The following CERS3 variants were observed in gnomAD, a reference collection of about 807,000 sequenced individuals.
CERS3 encodes ceramide synthase 3.
Under a neutral mutation model 50.3 loss-of-function variants are expected in CERS3, and 33 were observed. That is an observed-to-expected ratio of 0.66 (90% CI 0.50 to 0.88). The LOEUF (loss-of-function observed/expected upper bound fraction) is 0.88. Ranked by LOEUF, CERS3 falls within the 40% of genes least tolerant of loss-of-function variation. The pLI, the probability that CERS3 is intolerant of heterozygous loss-of-function variation, is 0.00. For missense variants in CERS3, 470 were observed against 460.3 expected (o/e 1.02, Z -0.19); for synonymous variants, 176 against 155.2 (o/e 1.13, Z -0.99).
At chr15:100,523,965 G>A (rs375759095) in intron 1 of CERS3, among the ~76,000 whole-genome samples, 2 of 152,174 alleles carry the variant, frequency 1.3e-5, no homozygotes, top group South Asian at 2.1e-4. Context: ...TGAGAATCAA[G>A]ACTCATTTAT....
At chr15:100,421,644 G>T (rs1160160354) in intron 11 of CERS3, among the ~76,000 whole-genome samples, 1 of 149,612 alleles carries the variant, frequency 6.7e-6, no homozygotes, top group African/African-American at 2.5e-5. Flanking sequence ...TAAGCCAAAA[G>T]AACAAAGCTG....
At chr15:100,420,486 T>G (rs1175947937) in intron 11 of CERS3, among the ~76,000 whole-genome samples, 3 of 152,136 alleles carry the variant, frequency 2.0e-5, no homozygotes, top group Non-Finnish European at 4.4e-5. Flanking sequence ...GATTCACAGC[T>G]GAATTCTACC....
rs535844429 is a variant in CERS3, at chr15:100,418,256, A to G, written c.1000-15391T>C. Among the ~76,000 whole-genome samples the G allele has an allele frequency of 4.6e-5, 7 of 152,258 alleles. No individual in the cohort carries two copies. In the South Asian group the frequency reaches 1.0e-3, roughly 23 times the overall value. Reference sequence around the variant, plus strand: ...CTTAAAGGAGCTGATGGAGCTGAAAACCAAGGCCCGAGAACTACGTGAAGA... The same window carrying G: ...CTTAAAGGAGCTGATGGAGCTGAAAGCCAAGGCCCGAGAACTACGTGAAGA... On this transcript the variant is annotated intron_variant, in intron 11 of 11. Coordinates refer to ENST00000679737, the MANE Select transcript of CERS3 (RefSeq NM_001378789.1).
chr15:100,436,471 G>A (rs906637648), intron 11 of CERS3, among the ~76,000 whole-genome samples: 1 of 152,040 alleles, frequency 6.6e-6, no homozygotes, highest in Non-Finnish European at 1.5e-5. Flanking sequence ...GAGGCCTATC[G>A]GGGCTGGGGG....
chr15:100,472,780 G>T, intron 9 of CERS3, 144 bp downstream of exon 9: 3 of 901,104 alleles, frequency 3.3e-6, no homozygotes, highest in Non-Finnish European at 5.4e-6. Context: ...AATCTTGGAG[G>T]ATCTGGGAAT....
intron 10 of CERS3, among the ~76,000 whole-genome samples, chr15:100,467,845 A>C (rs1426554494): frequency 1.3e-5 from 1 of 79,780 alleles, no homozygotes. Flanking sequence ...GTGTATATAT[A>C]TATATATAGA....
intron 11 of CERS3, among the ~76,000 whole-genome samples, chr15:100,441,136 C>T (rs1467717233): frequency 2.6e-5 from 4 of 152,028 alleles, no homozygotes; most frequent in African/African-American, 9.7e-5. Flanking sequence ...CTTATTTCCA[C>T]ACCCTGACCT....
In CERS3 at chr15:100,476,158, G is replaced by C; in HGVS notation, c.537C>G (p.Tyr179Ter). ...YPKQPLLPSQ[Y>*]WYYILEMSFY... ...AACTCATTTCTAAAATGTAGTACCA[G>C]TACTGGGATGGCAGCAGGGGCTGAG... The change falls in exon 8 of 12, where the codon TAC (tyrosine) becomes TAG (stop). Residue 179 changes from tyrosine to a stop codon, truncating the protein, a stop_gained. Transcript: ENST00000679737. LOFTEE classifies it high-confidence loss of function. 2 of 1,576,688 alleles carry C rather than the reference G, an allele frequency of 1.3e-6. No homozygotes were observed. Among genetic ancestry groups the C allele is most frequent in the South Asian group, 1.2e-5 (1 of 84,278 alleles).
chr15:100,483,574 G>A, intron 5 of CERS3, among the ~76,000 whole-genome samples: 1 of 151,830 alleles, frequency 6.6e-6, no homozygotes, highest in Non-Finnish European at 1.5e-5. Context: ...CTTGCTGGGA[G>A]GTAAGCATTA....
At chr15:100,469,515 T>G (rs376608561) in intron 9 of CERS3, 31 bp from the exon 10 acceptor site, 1 of 1,411,800 alleles carries the variant, frequency 7.1e-7, no homozygotes, top group African/African-American at 1.4e-5. Context: ...GCAGATAAAG[T>G]GACAATAGCC....
At chr15:100,440,567 A>G (rs1213436776) in intron 11 of CERS3, among the ~76,000 whole-genome samples, 1 of 152,172 alleles carries the variant, frequency 6.6e-6, no homozygotes, top group Non-Finnish European at 1.5e-5. Flanking sequence ...TGTTGCTTAC[A>G]CAAAGCCTGT....
At chr15:100,531,418 G>T (rs962138265), upstream of CERS3, among the ~76,000 whole-genome samples, 2 of 152,052 alleles carry the variant, frequency 1.3e-5, no homozygotes, top group African/African-American at 4.8e-5. Flanking sequence ...TGTGGGAGCT[G>T]TGGGAGTGAG....
chr15:100,423,100 T>A (rs2411371), intron 11 of CERS3, among the ~76,000 whole-genome samples: 84,470 of 148,158 alleles, frequency 0.57, 24,100 homozygotes, highest in Non-Finnish European at 0.61. Context: ...AAAAAAATGT[T>A]AAAAAAAAAA....
chr15:100,476,270 T>G (rs1284592458), intron 7 of CERS3, 92 bp from the exon 8 acceptor site: 2 of 637,752 alleles, frequency 3.1e-6, no homozygotes, highest in African/African-American at 1.9e-5. Context: ...CCTATTTATA[T>G]CCCACCAGAT....
At chr15:100,544,050 A>G (rs1448570371) in intron 1 of CERS3, 1 of 152,286 alleles carries the variant, frequency 6.6e-6, no homozygotes, top group Non-Finnish European at 1.5e-5. Flanking sequence ...CCAGGCCTCC[A>G]GCACATTTCA....
chr15:100,455,316 T>C lies in CERS3; in HGVS notation c.999+577A>G, dbSNP rs180689563. Among the ~76,000 whole-genome samples, 5 of 150,720 alleles carry C rather than the reference T, an allele frequency of 3.3e-5. No individual in the cohort carries two copies. The East Asian group carries it at 9.7e-4, about 29-fold the overall frequency. On this transcript the variant is annotated intron_variant, in intron 11 of 11. Coordinates refer to ENST00000679737, the MANE Select transcript of CERS3 (RefSeq NM_001378789.1). ...CACCAGATTGGGAAGGGTGTGTTGG[T>C]GGGGTTGGGAGAAGATGAAGAAAGG...
chr15:100,407,013 C>T (rs575331204), intron 11 of CERS3, among the ~76,000 whole-genome samples: 40 of 152,214 alleles, frequency 2.6e-4, no homozygotes, highest in African/African-American at 8.9e-4. Flanking sequence ...TTCACTATTG[C>T]GAGAACAGCA....
intron 11 of CERS3, among the ~76,000 whole-genome samples, chr15:100,421,049 T>A (rs2032386639): frequency 6.8e-6 from 1 of 146,524 alleles, no homozygotes; most frequent in Non-Finnish European, 1.5e-5. Context: ...CTCTCACCAC[T>A]CCTATTCAAC....
intron 8 of CERS3, 130 bp downstream of exon 8, chr15:100,475,956 T>C (rs956676704): frequency 5.9e-6 from 3 of 507,554 alleles, no homozygotes; most frequent in African/African-American, 2.0e-5. Flanking sequence ...TTATGTACTA[T>C]AAAGCACACA....
Sources: allele counts gnomAD v4.1 joint callset (sites outside exome capture counted in the v4.1 genomes callset), GRCh38; gene constraint gnomAD v4.1.1; transcripts MANE v1.5; gene names NCBI Gene and HGNC (gene_info 2026-07-23, HGNC 2026-07-21).